The following ANKLE2 variants were observed in gnomAD, a reference collection of about 807,000 sequenced individuals.
ANKLE2 encodes the protein ankyrin repeat and LEM domain containing 2.
A neutral mutation model predicts 84.2 loss-of-function variants in ANKLE2; 55 were observed. That is an observed-to-expected ratio of 0.65 (90% CI 0.53 to 0.82). ANKLE2 has a LOEUF of 0.82. Among genes scored for constraint, ANKLE2 ranks in the 40% least tolerant of loss-of-function variants. The pLI is 0.00. For missense variants in ANKLE2, 1,238 were observed against 1,201.9 expected (o/e 1.03, Z -0.44); for synonymous variants, 551 against 486.1 (o/e 1.13, Z -1.76).
At chr12:132,727,886 G>A (rs1167945377) in intron 12 of ANKLE2, 146 bp downstream of exon 12, 2 of 1,132,232 alleles carry the variant, frequency 1.8e-6, no homozygotes, top group Admixed American at 2.4e-5. Flanking sequence ...TGTGCAGAGA[G>A]CCACAACACC....
At chr12:132,757,264 G>C (rs551432538) in intron 1 of ANKLE2, 6 of 152,406 alleles carry the variant, frequency 3.9e-5, no homozygotes, top group African/African-American at 1.4e-4. Context: ...TGGCTGATGA[G>C]AGCCAGGACT....
At position 132,761,633 on chromosome 12, in the gene ANKLE2, CGGCCGCGCTTGGCGGA is replaced by C. The variant is rs1306776829; in HGVS notation, c.150_165del (p.Ser53ProfsTer6). The C allele has an allele frequency of 7.9e-7, 1 of 1,260,104 alleles. No individual in the cohort carries two copies. Among genetic ancestry groups the C allele is most frequent in the Non-Finnish European group, 1.0e-6 (1 of 1,003,686 alleles). The allele number at this position is 1,260,104 out of a possible 1,614,324, so 78.1% of individuals were successfully genotyped here. ...TGGGCCTTACCTGAGGCGGGGGCGG[CGGCCGCGCTTGGCGGA>C]GGAACTGGGGTCCCGCTGCGGCCCA... is the stretch of plus-strand genomic sequence containing the variant. On this transcript the variant is annotated frameshift_variant, in exon 1 of 13. Coordinates refer to ENST00000357997, the MANE Select transcript of ANKLE2 (RefSeq NM_015114.3). LOFTEE classifies it high-confidence loss of function.
chr12:132,746,323 T>C (rs1327073310), intron 5 of ANKLE2, among the ~76,000 whole-genome samples: 3 of 130,758 alleles, frequency 2.3e-5, no homozygotes, highest in Non-Finnish European at 4.7e-5. Context: ...CACTCCCACC[T>C]GGGAGACAGA....
Position 132,734,179 on chromosome 12 carries a change from A to T in ANKLE2, c.1891+206T>A, listed in dbSNP as rs111455085. On this transcript the variant is annotated intron_variant, in intron 10 of 12. Coordinates refer to ENST00000357997, the MANE Select transcript of ANKLE2 (RefSeq NM_015114.3). ...AGAATCGCTTGAACCCAGGAGGTGGAGGTTGCAGTGAGCCAAGATTGCGCC... is the reference window on the plus strand; with the variant it reads ...AGAATCGCTTGAACCCAGGAGGTGGTGGTTGCAGTGAGCCAAGATTGCGCC... 181 of 608,260 alleles carry T rather than the reference A, an allele frequency of 3.0e-4. No individual in the cohort carries two copies. In the African/African-American group the frequency reaches 3.1e-3, roughly 10 times the overall value. 37.7% of individuals were successfully genotyped at this position (608,260 alleles called of 1,614,324 possible).
chr12:132,737,091 G>A (rs1447884865), intron 7 of ANKLE2, 26 bp from the exon 8 acceptor site: 4 of 1,567,984 alleles, frequency 2.6e-6, no homozygotes, highest in African/African-American at 1.3e-5. Flanking sequence ...GGCACTGGCT[G>A]CAGGCTTCCG....
chr12:132,748,432 T>C (rs1210017483), intron 3 of ANKLE2, 101 bp from the exon 4 acceptor site: 1 of 1,367,646 alleles, frequency 7.3e-7, no homozygotes, highest in African/African-American at 1.4e-5. Context: ...CCACAGAGGC[T>C]TCTGGGCCAA....
chr12:132,734,840 C>T, intron 9 of ANKLE2: 2 of 449,730 alleles, frequency 4.4e-6, no homozygotes, highest in Non-Finnish European at 7.9e-6. Context: ...CCGACAGACC[C>T]TCACGCCAGC....
rs772096364 is a variant in ANKLE2, at chr12:132,728,089, G to A, written c.2558C>T (p.Pro853Leu). 5.6e-6 allele frequency: 9 copies of A among 1,612,942 alleles called. No homozygotes were observed. Among genetic ancestry groups the A allele is most frequent in the East Asian group, 2.2e-5 (1 of 44,880 alleles). ...ECADVDPHQF[P>L]AVHRWKSAVL... ...AGCACTCTTCCATCTGTGCACGGCCGGGAACTGATGGGGGTCGACGTCTGC... is the reference window on the plus strand; with the variant it reads ...AGCACTCTTCCATCTGTGCACGGCCAGGAACTGATGGGGGTCGACGTCTGC... Residue 853 changes from proline to leucine, a missense_variant, in exon 12 of 13, where the codon CCG becomes CTG. This residue lies in a region of ANKLE2 where 802 missense variants were observed against 774.5 expected (regional missense o/e 1.04). Transcript: ENST00000357997.
chr12:132,754,641 C>G, intron 2 of ANKLE2, 34 bp downstream of exon 2: 1 of 1,558,542 alleles, frequency 6.4e-7, no homozygotes, highest in Non-Finnish European at 8.7e-7. Context: ...TATGTGCTAT[C>G]TGTGTGAGGA....
Position 132,726,799 on chromosome 12 carries a change from G to A in ANKLE2, c.*443C>T, listed in dbSNP as rs143098162. On this transcript the variant is annotated 3_prime_UTR_variant, in exon 13 of 13. Coordinates refer to ENST00000357997, the MANE Select transcript of ANKLE2 (RefSeq NM_015114.3). ...CCCCCAACCCAGGAAAAGACAGGGC[G>A]GCAAATAGTTCATCTTGGTGAGTGC... The A allele has an allele frequency of 1.3e-3, 200 of 155,254 alleles. No homozygotes were observed. Among genetic ancestry groups the A allele is most frequent in the South Asian group, 5.7e-3 (28 of 4,880 alleles). The allele number at this position is 155,254 out of a possible 1,614,324, so 9.6% of individuals were successfully genotyped here.
chr12:132,754,803 A>G lies in ANKLE2; in HGVS notation c.512T>C (p.Val171Ala). Residue 171 changes from valine (V) to alanine (A), a missense_variant, in exon 2 of 13, where the codon GTG becomes GCG. Around this residue, in one of 3 missense-constraint regions of ANKLE2, gnomAD observed 422 missense variants for 394.5 expected, o/e 1.07. Coordinates refer to ENST00000357997, the MANE Select transcript of ANKLE2 (RefSeq NM_015114.3). ...VGLNPPEEEA[V>A]TSKTCSVPPS... ...GGGCACCGAGCAGGTCTTGGATGTC[A>G]CAGCTTCCTCCTCTGGAGGATTCAG... 1 of 1,614,152 alleles carries G rather than the reference A, an allele frequency of 6.2e-7. No homozygotes were observed. Among genetic ancestry groups the G allele is most frequent in the Non-Finnish European group, 8.5e-7 (1 of 1,180,038 alleles).
intron 2 of ANKLE2, among the ~76,000 whole-genome samples, chr12:132,753,457 C>T (rs1478756364): frequency 6.6e-6 from 1 of 151,828 alleles, no homozygotes; most frequent in Non-Finnish European, 1.5e-5. Context: ...GTGGCGAAAC[C>T]CCGCCTCTAT....
Position 132,727,993 on chromosome 12 carries a change from G to GC in ANKLE2, c.2615+38dup. ...CTGGACCCTGCAGAAGTTTCCAAAA[G>GC]CTGCCCTGCGGGTGACAGGCTGTCC... On this transcript the variant is annotated intron_variant, in intron 12 of 12. Transcript: ENST00000357997. 3 of 1,569,236 alleles carry GC rather than the reference G, an allele frequency of 1.9e-6. No homozygotes were observed. The Middle Eastern group carries it at 5.2e-4, about 270-fold the overall frequency.
rs574807593 is a variant in ANKLE2, at chr12:132,734,444, T to C, written c.1832A>G (p.Lys611Arg). 3.2e-5 allele frequency: 52 copies of C among 1,614,078 alleles called. No homozygotes were observed. In the Middle Eastern group the frequency reaches 4.9e-4, roughly 15 times the overall value. ...EYLTQQEIGK[K>R]AQQETGEREA... ...CCGTTCTCCTGTTTCTTGTTGAGCCTTTTTGCCTATTTCCTGCTGTGTGAG... is the reference window on the plus strand; with the variant it reads ...CCGTTCTCCTGTTTCTTGTTGAGCCCTTTTGCCTATTTCCTGCTGTGTGAG... The change falls in exon 10 of 13, where the codon AAG (lysine) becomes AGG (arginine). Residue 611 changes from lysine to arginine, a missense_variant. Coordinates refer to ENST00000357997, the MANE Select transcript of ANKLE2 (RefSeq NM_015114.3).
In ANKLE2 at chr12:132,743,627, G is replaced by A. The variant is rs1472214196; in HGVS notation, c.1231-351C>T. 2.0e-5 allele frequency among the ~76,000 whole-genome samples: 3 copies of A among 151,064 alleles called. No homozygotes were observed. The highest frequency in any genetic ancestry group is 7.3e-5 in the African/African-American group (3 of 41,044). On this transcript the variant is annotated intron_variant, in intron 5 of 12. Coordinates refer to ENST00000357997, the MANE Select transcript of ANKLE2 (RefSeq NM_015114.3). This position sits in a 1 kb window ranked among gnomAD's most constrained non-coding sequence, Gnocchi z 4.1. ...GCCTCCCAAAGTGCTGGGATTACAG[G>A]TGTGAGTCACCGAGCCTGGCTTATA...
intron 3 of ANKLE2, among the ~76,000 whole-genome samples, chr12:132,750,219 A>AAAG (rs1330875022): frequency 1.3e-5 from 2 of 150,132 alleles, no homozygotes; most frequent in African/African-American, 5.0e-5. Flanking sequence ...AAAAAAAAAA[A>AAAG]AAAAAGAAAA....
intron 9 of ANKLE2, 196 bp from the exon 10 acceptor site, chr12:132,734,771 G>A: frequency 1.7e-6 from 1 of 585,036 alleles, no homozygotes; most frequent in South Asian, 2.2e-5. Context: ...CAGGTAAGCA[G>A]GACCCGGCAC....
At position 132,748,234 on chromosome 12, in the gene ANKLE2, T is replaced by G. The variant is rs753709949; in HGVS notation, c.945A>C (p.Lys315Asn). ...TGTCCTCCTCTCCCTTCTCCACAGC[T>G]TTCCGAAGCTTGGCGGTGAGGTCCT... ...RTQDLTAKLRKAVEKGEEDTF... is the reference protein window; with the variant it reads ...RTQDLTAKLRNAVEKGEEDTF... The change falls in exon 4 of 13, where the codon AAA becomes AAC. Residue 315 changes from lysine (K) to asparagine (N), a missense_variant. This residue lies in a region of ANKLE2 where 422 missense variants were observed against 394.5 expected (regional missense o/e 1.07). Transcript: ENST00000357997. 3.7e-6 allele frequency: 6 copies of G among 1,614,216 alleles called. No homozygotes were observed. Among genetic ancestry groups the G allele is most frequent in the Non-Finnish European group, 5.1e-6 (6 of 1,180,046 alleles).
Position 132,730,224 on chromosome 12 carries a change from C to G in ANKLE2, c.1938G>C (p.Met646Ile). The change falls in exon 11 of 13, where the codon ATG (methionine) becomes ATC (isoleucine). Residue 646 changes from methionine to isoleucine, a missense_variant. By Grantham distance (10) the Met-to-Ile change is conservative. Transcript: ENST00000357997. ...GCCGATTTTTTATTTCTTCCAAGCT[C>G]ATGTCATCTTCATCTAGAAACGCCC... is the stretch of plus-strand genomic sequence containing the variant. ...SVRAFLDEDD[M>I]SLEEIKNRQN... 1 of 1,586,082 alleles carries G rather than the reference C, an allele frequency of 6.3e-7. No individual in the cohort carries two copies. The highest frequency in any genetic ancestry group is 8.6e-7 in the Non-Finnish European group (1 of 1,164,556).
Sources: allele counts gnomAD v4.1 joint callset (sites outside exome capture counted in the v4.1 genomes callset), GRCh38; gene constraint gnomAD v4.1.1; regional missense constraint gnomAD v4.1.1; non-coding constraint Gnocchi (gnomAD v3.1); transcripts MANE v1.5; gene names NCBI Gene and HGNC (gene_info 2026-07-23, HGNC 2026-07-21).